SSBP2: variants seen among roughly 807,000 people sequenced by gnomAD.
The protein encoded by SSBP2 is single stranded DNA binding protein 2.
Under a neutral mutation model 61.8 loss-of-function variants are expected in SSBP2, and 17 were observed. That is an observed-to-expected ratio of 0.28 (90% CI 0.19 to 0.41). SSBP2 has a LOEUF of 0.41. Ranked by LOEUF, SSBP2 falls within the 10% of genes least tolerant of loss-of-function variation. SSBP2 has a pLI of 1.00. For synonymous variants in SSBP2, 139 were observed against 141.3 expected (o/e 0.98, Z 0.12); for missense variants, 310 against 458.7 (o/e 0.68, Z 2.96).
At chr5:81,502,894 G>T (rs868677643) in intron 5 of SSBP2, among the ~76,000 whole-genome samples, 6 of 152,164 alleles carry the variant, frequency 3.9e-5, no homozygotes, top group Admixed American at 2.6e-4. Context: ...TAGAATGGGA[G>T]AAAATATTTG....
Position 81,607,334 on chromosome 5 carries a change from C to T in SSBP2, c.282+8139G>A, listed in dbSNP as rs567210296. On this transcript the variant is annotated intron_variant, in intron 4 of 16. Coordinates refer to ENST00000320672, the MANE Select transcript of SSBP2 (RefSeq NM_012446.5). ...TACAATGTTCCCGCAGAATTGGGGG[C>T]ATCTCATTCAGAAATAGTATGCCTG... 2.2e-3 allele frequency among the ~76,000 whole-genome samples: 333 copies of T among 152,302 alleles called. 1 individual carries two copies. Among genetic ancestry groups the T allele is most frequent in the Middle Eastern group, 0.01 (3 of 294 alleles).
intron 1 of SSBP2, 69 bp downstream of exon 1, chr5:81,750,912 G>A: frequency 6.6e-7 from 1 of 1,506,484 alleles, no homozygotes; most frequent in Non-Finnish European, 9.0e-7. Context: ...GTCTCCCAGA[G>A]TGTGCGAGTG....
At chr5:81,593,764 T>A (rs555375471) in intron 4 of SSBP2, among the ~76,000 whole-genome samples, 31 of 152,166 alleles carry the variant, frequency 2.0e-4, no homozygotes, top group Admixed American at 5.9e-4. Flanking sequence ...GAAGGAGAAA[T>A]AAAATCCTTT....
intron 1 of SSBP2, among the ~76,000 whole-genome samples, chr5:81,690,331 G>C (rs1753108665): frequency 6.6e-6 from 1 of 151,960 alleles, no homozygotes. Context: ...ATAAAAACAA[G>C]ATCCAACGAT....
chr5:81,473,021 G>C (rs1265117959), intron 8 of SSBP2, among the ~76,000 whole-genome samples: 1 of 152,120 alleles, frequency 6.6e-6, no homozygotes, highest in African/African-American at 2.4e-5. Flanking sequence ...TAAATTAAAG[G>C]CTTAAATGAC....
At chr5:81,645,999 A>G (rs1020589696) in intron 2 of SSBP2, among the ~76,000 whole-genome samples, 1 of 152,216 alleles carries the variant, frequency 6.6e-6, no homozygotes, top group Non-Finnish European at 1.5e-5. Context: ...CTTCTGACTG[A>G]TAACAAAAGC....
At chr5:81,590,522 C>G (rs1269612562) in intron 4 of SSBP2, among the ~76,000 whole-genome samples, 2 of 152,206 alleles carry the variant, frequency 1.3e-5, no homozygotes, top group Non-Finnish European at 2.9e-5. Context: ...AGGAACTCCA[C>G]TAAAATTGTT....
At chr5:81,600,510 C>T (rs1380673571) in intron 4 of SSBP2, among the ~76,000 whole-genome samples, 2 of 142,294 alleles carry the variant, frequency 1.4e-5, no homozygotes, top group Non-Finnish European at 3.0e-5. Flanking sequence ...TGCAGTAAGC[C>T]GAGATCACGC....
chr5:81,555,552 C>T (rs1772526943), intron 4 of SSBP2, among the ~76,000 whole-genome samples: 2 of 152,054 alleles, frequency 1.3e-5, no homozygotes, highest in South Asian at 4.1e-4. Context: ...CCTGACCCTG[C>T]CACATTGTCT....
intron 2 of SSBP2, among the ~76,000 whole-genome samples, chr5:81,641,954 T>TTGTAGGTATGCTTGTAG (rs1748832112): frequency 6.6e-6 from 1 of 152,158 alleles, no homozygotes; most frequent in Non-Finnish European, 1.5e-5. Flanking sequence ...TACATACATA[T>TTGTAGGTATGCTTGTAG]GTGTGCTTGT....
intron 4 of SSBP2, among the ~76,000 whole-genome samples, chr5:81,607,799 C>A (rs1745023276): frequency 6.6e-6 from 1 of 152,122 alleles, no homozygotes; most frequent in Admixed American, 6.5e-5. Context: ...CCACAAACAG[C>A]TTTTGAATAT....
At chr5:81,626,758 T>G (rs1747200053) in intron 3 of SSBP2, among the ~76,000 whole-genome samples, 1 of 152,120 alleles carries the variant, frequency 6.6e-6, no homozygotes, top group South Asian at 2.1e-4. Flanking sequence ...AAGAGAAAAC[T>G]TTTGAGTCCC....
intron 4 of SSBP2, among the ~76,000 whole-genome samples, chr5:81,535,936 A>G (rs1211715389): frequency 3.3e-5 from 5 of 152,176 alleles, no homozygotes. Context: ...TGTAAAATAC[A>G]TTGTCAAGAG....
intron 16 of SSBP2, among the ~76,000 whole-genome samples, chr5:81,424,649 C>A (rs1406714290): frequency 2.0e-5 from 3 of 152,050 alleles, no homozygotes; most frequent in Non-Finnish European, 2.9e-5. Context: ...ATTACTGAAA[C>A]TACTTCAAAA....
chr5:81,456,939 A>G (rs1034524612), intron 10 of SSBP2, among the ~76,000 whole-genome samples: 2 of 152,230 alleles, frequency 1.3e-5, no homozygotes, highest in African/African-American at 4.8e-5. Flanking sequence ...CCCTGTAGGG[A>G]TGGACTGAAA....
At chr5:81,615,951 T>A (rs1157219120) in intron 3 of SSBP2, 1 of 158,498 alleles carries the variant, frequency 6.3e-6, no homozygotes, top group African/African-American at 2.4e-5. Flanking sequence ...TTGATTTTTT[T>A]ACAGATAATT....
In SSBP2 at chr5:81,595,713, G is replaced by A. The variant is rs796067778; in HGVS notation, c.282+19760C>T. On this transcript the variant is annotated intron_variant, in intron 4 of 16. Coordinates refer to ENST00000320672, the MANE Select transcript of SSBP2 (RefSeq NM_012446.5). ...TATGCAAATCAATAAATGTAATCCAGCATATAAACAGAACCAAAGACAAAA... is the reference window on the plus strand; with the variant it reads ...TATGCAAATCAATAAATGTAATCCAACATATAAACAGAACCAAAGACAAAA... Among the ~76,000 whole-genome samples the A allele has an allele frequency of 5.3e-5, 8 of 152,160 alleles. No individual in the cohort carries two copies. In the South Asian group the frequency reaches 1.5e-3, roughly 28 times the overall value.
At chr5:81,659,832 C>CA (rs556184105) in intron 1 of SSBP2, among the ~76,000 whole-genome samples, 32 of 152,122 alleles carry the variant, frequency 2.1e-4, no homozygotes, top group Middle Eastern at 6.8e-3. Context: ...GGTACCAAAA[C>CA]AGATATATAG....
chr5:81,446,088 T>C (rs1207496815), intron 12 of SSBP2, among the ~76,000 whole-genome samples: 1 of 152,298 alleles, frequency 6.6e-6, no homozygotes, highest in South Asian at 2.1e-4. Context: ...GTATAACAAA[T>C]GAGCATCCTT....
Sources: gnomAD v4.1 joint callset for allele counts (sites outside exome capture counted in the v4.1 genomes callset) on GRCh38, gnomAD v4.1.1 for gene constraint, MANE v1.5 for transcripts, NCBI Gene and HGNC (gene_info 2026-07-23, HGNC 2026-07-21) for gene names.